The following CFAP58 variants were observed in gnomAD, a reference collection of about 807,000 sequenced individuals.
The protein encoded by CFAP58 is cilia and flagella associated protein 58.
Under a neutral mutation model 119.5 loss-of-function variants are expected in CFAP58, and 88 were observed. The observed-to-expected ratio is 0.74, with a 90% CI of 0.62 to 0.88. The LOEUF is 0.88. Ranked by LOEUF, CFAP58 falls within the 40% of genes least tolerant of loss-of-function variation. CFAP58 has a pLI of 0.00. For synonymous variants in CFAP58, 365 were observed against 366.3 expected (o/e 1.00, Z 0.04); for missense variants, 990 against 1,021.2 (o/e 0.97, Z 0.42).
chr10:104,385,871 T>C (rs1452637123), intron 9 of CFAP58, among the ~76,000 whole-genome samples: 1 of 152,118 alleles, frequency 6.6e-6, no homozygotes, highest in African/African-American at 2.4e-5. Flanking sequence ...AGCCCTTTTG[T>C]GTGTGTGTTT....
intron 15 of CFAP58, among the ~76,000 whole-genome samples, chr10:104,438,684 G>A (rs2012986515): frequency 6.6e-6 from 1 of 152,142 alleles, no homozygotes; most frequent in African/African-American, 2.4e-5. Flanking sequence ...CCATCAATGG[G>A]AATTTTTATA....
chr10:104,438,374 G>GTTT (rs1331646903), intron 15 of CFAP58, among the ~76,000 whole-genome samples: 1 of 51,250 alleles, frequency 2.0e-5, no homozygotes. Flanking sequence ...TTTTTTTTTT[G>GTTT]TTTTTTTTTT....
chr10:104,419,097 G>T (rs966036480), intron 15 of CFAP58, among the ~76,000 whole-genome samples: 5 of 152,198 alleles, frequency 3.3e-5, no homozygotes, highest in African/African-American at 9.7e-5. Flanking sequence ...TTTCTTGGCT[G>T]CCACTTCTTT....
chr10:104,350,145 A>T (rs1218800115), upstream of CFAP58, among the ~76,000 whole-genome samples: 2 of 152,244 alleles, frequency 1.3e-5, no homozygotes, highest in Non-Finnish European at 2.9e-5. Flanking sequence ...TCAAGGGAGA[A>T]GATCGTGTCT....
At chr10:104,376,727 G>A in intron 7 of CFAP58, 84 bp from the exon 8 acceptor site, 1 of 1,006,278 alleles carries the variant, frequency 9.9e-7, no homozygotes, top group Non-Finnish European at 1.5e-6. Context: ...AACATGTAAA[G>A]CAGTTTTTGT....
At chr10:104,420,354 T>A (rs2012635577) in intron 15 of CFAP58, among the ~76,000 whole-genome samples, 1 of 152,200 alleles carries the variant, frequency 6.6e-6, no homozygotes, top group East Asian at 1.9e-4. Flanking sequence ...GTAAGCTCGA[T>A]TAGGCAGATA....
At chr10:104,384,897 G>A (rs2011891185) in intron 9 of CFAP58, among the ~76,000 whole-genome samples, 2 of 152,182 alleles carry the variant, frequency 1.3e-5, no homozygotes, top group Admixed American at 6.6e-5. Flanking sequence ...AGGGAAGAAT[G>A]GGAGAGGAGG....
Position 104,357,840 on chromosome 10 carries a change from C to CAT in CFAP58, c.10-498_10-497dup, listed in dbSNP as rs1297406367. 1.7e-4 allele frequency among the ~76,000 whole-genome samples: 12 copies of CAT among 71,122 alleles called. 2 individuals carry two copies. The highest frequency in any genetic ancestry group is 1.9e-4 in the Non-Finnish European group (6 of 32,264). The allele number at this position is 71,122 out of a possible 152,430, so 46.7% of individuals were successfully genotyped here. A position where few individuals can be genotyped will look rare whatever the true frequency, so the allele number is the denominator to read the frequency against. ...GTACATATATACACATATATGTACA[C>CAT]ATATGTACACATATATACACATATA... On this transcript the variant is annotated intron_variant, in intron 1 of 17. Transcript: ENST00000369704.
At position 104,438,524 on chromosome 10, in the gene CFAP58, C is replaced by T. The variant is rs560573086; in HGVS notation, c.2257-9174C>T. Reference sequence around the variant, plus strand: ...CCGAGTAGCTGGGACTACAGGCGCCCGCCACAGCGCCCGGCTAATTTTTTG... The same window carrying T: ...CCGAGTAGCTGGGACTACAGGCGCCTGCCACAGCGCCCGGCTAATTTTTTG... On this transcript the variant is annotated intron_variant, in intron 15 of 17. Coordinates refer to ENST00000369704, the MANE Select transcript of CFAP58 (RefSeq NM_001008723.2). Among the ~76,000 whole-genome samples, 773 of 151,568 alleles carry T rather than the reference C, an allele frequency of 5.1e-3. 2 individuals carry two copies. The highest frequency in any genetic ancestry group is 0.017 in the Middle Eastern group (5 of 290).
At chr10:104,428,292 G>C (rs1564901652) in intron 15 of CFAP58, among the ~76,000 whole-genome samples, 1 of 152,154 alleles carries the variant, frequency 6.6e-6, no homozygotes, top group East Asian at 1.9e-4. Context: ...TCCTGTTCTG[G>C]GAAGTTGTTG....
At chr10:104,431,421 T>C (rs1008920914) in intron 15 of CFAP58, among the ~76,000 whole-genome samples, 1 of 152,200 alleles carries the variant, frequency 6.6e-6, no homozygotes, top group African/African-American at 2.4e-5. Flanking sequence ...ATACACTAAA[T>C]TTTAAAAACT....
intron 11 of CFAP58, among the ~76,000 whole-genome samples, chr10:104,396,356 G>T (rs540575168): frequency 1.4e-5 from 2 of 142,304 alleles, no homozygotes; most frequent in Admixed American, 7.3e-5. Flanking sequence ...CATGGATAGG[G>T]AGCTGTTATC....
At chr10:104,415,981 G>C (rs1242647412) in intron 15 of CFAP58, among the ~76,000 whole-genome samples, 1 of 152,190 alleles carries the variant, frequency 6.6e-6, no homozygotes, top group Non-Finnish European at 1.5e-5. Flanking sequence ...AGCAGCGTAT[G>C]GTGGTGAGTA....
chr10:104,371,198 A>T, intron 7 of CFAP58, 144 bp downstream of exon 7: 14 of 480,696 alleles, frequency 2.9e-5, no homozygotes, highest in East Asian at 1.3e-4. Context: ...AACAGTCAAT[A>T]TGGGGTGGGG....
chr10:104,409,285 T>A (rs551558913), intron 15 of CFAP58, among the ~76,000 whole-genome samples: 3 of 152,202 alleles, frequency 2.0e-5, no homozygotes, highest in Admixed American at 6.5e-5. Flanking sequence ...TAAAAGTGTA[T>A]TTTAAATTTT....
chr10:104,368,457 A>C lies in CFAP58; in HGVS notation c.827A>C (p.Gln276Pro). The C allele has an allele frequency of 6.2e-7, 1 of 1,614,008 alleles. No individual in the cohort carries two copies. The highest frequency in any genetic ancestry group is 1.1e-5 in the South Asian group (1 of 91,080). Residue 276 changes from glutamine (Q) to proline (P), a missense_variant, in exon 6 of 18, where the codon CAA becomes CCA. Gln to Pro is a moderately conservative substitution (Grantham distance 76, BLOSUM62 -1). Coordinates refer to ENST00000369704, the MANE Select transcript of CFAP58 (RefSeq NM_001008723.2). Reference protein sequence around the residue: ...LNERAAKELEQFQMRNAKLQQ... With the variant: ...LNERAAKELEPFQMRNAKLQQ... Reference sequence around the variant, plus strand: ...GAGAGAGCTGCAAAGGAACTCGAGCAATTTCAGATGAGAAATGCTAAACTT... The same window carrying C: ...GAGAGAGCTGCAAAGGAACTCGAGCCATTTCAGATGAGAAATGCTAAACTT...
At chr10:104,447,367 C>T (rs2013126198) in intron 15 of CFAP58, among the ~76,000 whole-genome samples, 3 of 152,122 alleles carry the variant, frequency 2.0e-5, no homozygotes, top group African/African-American at 4.8e-5. Context: ...GCAACCAACT[C>T]CTCCAACCAG....
intron 9 of CFAP58, among the ~76,000 whole-genome samples, chr10:104,383,760 A>ACG (rs2011865795): frequency 6.6e-6 from 1 of 150,928 alleles, no homozygotes; most frequent in Non-Finnish European, 1.5e-5. Context: ...TCCAACACAC[A>ACG]CACACACACA....
At chr10:104,406,626 T>C in intron 14 of CFAP58, 63 bp from the exon 15 acceptor site, 5 of 1,282,410 alleles carry the variant, frequency 3.9e-6, no homozygotes, top group South Asian at 3.7e-5. Flanking sequence ...GCATTTTACA[T>C]AGAGGCCTCA....
Sources: gnomAD v4.1 joint callset for allele counts (sites outside exome capture counted in the v4.1 genomes callset) on GRCh38, gnomAD v4.1.1 for gene constraint, MANE v1.5 for transcripts, NCBI Gene and HGNC (gene_info 2026-07-23, HGNC 2026-07-21) for gene names.